Variants in CADM2 observed in about 807,000 individuals in gnomAD.
CADM2 encodes the protein immunoglobulin superfamily member 4D.
CADM2 carries 12 observed loss-of-function variants against 49.8 expected under a neutral mutation model. The observed-to-expected ratio is 0.24, with a 90% CI of 0.15 to 0.39. The LOEUF (loss-of-function observed/expected upper bound fraction) is 0.39, where lower values mean the gene tolerates loss of function less well. CADM2 is among the 10% of genes least tolerant of loss of function. The pLI is 1.00. For synonymous variants in CADM2, 214 were observed against 175.4 expected (o/e 1.22, Z -1.74); for missense variants, 378 against 492.3 (o/e 0.77, Z 2.20).
At chr3:85,609,266 G>T (rs1265624542) in intron 1 of CADM2, among the ~76,000 whole-genome samples, 2 of 152,062 alleles carry the variant, frequency 1.3e-5, no homozygotes, top group Admixed American at 1.3e-4. Flanking sequence ...ACATGCACCT[G>T]TCTAGTCCAT....
intron 1 of CADM2, among the ~76,000 whole-genome samples, chr3:85,339,069 A>G (rs2045169785): frequency 6.6e-6 from 1 of 151,584 alleles, no homozygotes; most frequent in African/African-American, 2.4e-5. Flanking sequence ...ATTTTATGAT[A>G]TGGTGACAAG....
intron 1 of CADM2, among the ~76,000 whole-genome samples, chr3:85,661,124 A>G (rs746823075): frequency 1.3e-5 from 2 of 152,048 alleles, no homozygotes; most frequent in African/African-American, 2.4e-5. Flanking sequence ...GGGATTGTCA[A>G]TTTGCAGTTC....
intron 1 of CADM2, among the ~76,000 whole-genome samples, chr3:85,554,659 T>G (rs1044747643): frequency 7.9e-5 from 12 of 152,296 alleles, no homozygotes; most frequent in African/African-American, 2.6e-4. Flanking sequence ...GACCTGAGAT[T>G]ATTTTAATTT....
intron 1 of CADM2, among the ~76,000 whole-genome samples, chr3:85,160,557 A>T (rs1024248821): frequency 7.2e-5 from 11 of 152,108 alleles, no homozygotes; most frequent in African/African-American, 1.7e-4. Flanking sequence ...TGAGTTTTTT[A>T]AAAAAATATC....
chr3:85,065,777 C>T (rs910879662), intron 1 of CADM2, among the ~76,000 whole-genome samples: 15 of 152,124 alleles, frequency 9.9e-5, no homozygotes, highest in Admixed American at 3.9e-4. Context: ...ATTTGCTTAG[C>T]AATCAATGTC....
intron 3 of CADM2, among the ~76,000 whole-genome samples, chr3:85,807,199 C>T (rs975357723): frequency 8.6e-5 from 13 of 151,964 alleles, no homozygotes; most frequent in African/African-American, 2.9e-4. Flanking sequence ...TGAAGATATA[C>T]ATAGATTAAG....
chr3:85,581,017 GT>G (rs1439793714), intron 1 of CADM2, among the ~76,000 whole-genome samples: 1 of 151,836 alleles, frequency 6.6e-6, no homozygotes, highest in Non-Finnish European at 1.5e-5. Context: ...ATGACGTTTG[GT>G]TTTTTGTTTT....
intron 8 of CADM2, among the ~76,000 whole-genome samples, chr3:85,972,231 G>A (rs1726248378): frequency 1.3e-5 from 2 of 151,606 alleles, no homozygotes; most frequent in South Asian, 4.1e-4. Flanking sequence ...AGCAAATAAA[G>A]TAAACTTTCC....
intron 1 of CADM2, among the ~76,000 whole-genome samples, chr3:85,328,730 G>A (rs1203189513): frequency 1.3e-5 from 2 of 152,144 alleles, no homozygotes; most frequent in African/African-American, 4.8e-5. Flanking sequence ...TTCATAGATA[G>A]ACTGCACCTT....
chr3:85,504,764 C>T (rs1465916422), intron 1 of CADM2, among the ~76,000 whole-genome samples: 1 of 152,194 alleles, frequency 6.6e-6, no homozygotes, highest in Non-Finnish European at 1.5e-5. Context: ...GCACAGGAGC[C>T]CACGGAGGGG....
intron 1 of CADM2, among the ~76,000 whole-genome samples, chr3:85,128,855 T>G (rs1239926113): frequency 2.0e-5 from 3 of 152,202 alleles, no homozygotes; most frequent in Admixed American, 6.5e-5. Context: ...CTTTATTTAC[T>G]GTGGGGCAGA....
chr3:85,835,314 C>CT lies in CADM2; in HGVS notation c.238+33133dup, dbSNP rs60077347. Reference sequence around the variant, plus strand: ...GCTACTGTGAAAACAGTTTTAGCTTCTTTTTTTTTTTTTTTCCTGACTTGT... The same window carrying CT: ...GCTACTGTGAAAACAGTTTTAGCTTCTTTTTTTTTTTTTTTTCCTGACTTGT... On this transcript the variant is annotated intron_variant, in intron 3 of 9. Transcript: ENST00000383699. 4.3e-3 allele frequency among the ~76,000 whole-genome samples: 574 copies of CT among 132,534 alleles called. 1 individual carries two copies. Among genetic ancestry groups the CT allele is most frequent in the African/African-American group, 5.9e-3 (221 of 37,572 alleles). The allele number at this position is 132,534 out of a possible 152,430, so 86.9% of individuals were successfully genotyped here.
intron 1 of CADM2, among the ~76,000 whole-genome samples, chr3:85,425,014 A>G (rs1216762517): frequency 6.6e-6 from 1 of 152,210 alleles, no homozygotes; most frequent in Non-Finnish European, 1.5e-5. Context: ...GTGCTGTAAT[A>G]AAAAACTTAA....
At chr3:85,377,745 G>T (rs1219973381) in intron 1 of CADM2, among the ~76,000 whole-genome samples, 1 of 151,994 alleles carries the variant, frequency 6.6e-6, no homozygotes, top group Non-Finnish European at 1.5e-5. Flanking sequence ...AAAGTTAATA[G>T]CTACAGGAGT....
At chr3:85,609,742 T>A (rs1394241418) in intron 1 of CADM2, among the ~76,000 whole-genome samples, 1 of 152,138 alleles carries the variant, frequency 6.6e-6, no homozygotes, top group African/African-American at 2.4e-5. Context: ...AAGGTGTTGT[T>A]TTATTAGCTG....
chr3:85,191,684 A>T (rs768047540), intron 1 of CADM2, among the ~76,000 whole-genome samples: 1 of 152,252 alleles, frequency 6.6e-6, no homozygotes, highest in Admixed American at 6.5e-5. Flanking sequence ...TGTCAAATAC[A>T]TAAACAAAGG....
At chr3:85,993,504 T>G (rs889595425) in intron 8 of CADM2, 11 of 152,346 alleles carry the variant, frequency 7.2e-5, no homozygotes, top group Admixed American at 4.6e-4. Context: ...GAATCACAAA[T>G]GATCGTAATG....
At chr3:85,445,067 C>A (rs946487801) in intron 1 of CADM2, among the ~76,000 whole-genome samples, 7 of 152,074 alleles carry the variant, frequency 4.6e-5, no homozygotes, top group Non-Finnish European at 7.4e-5. Flanking sequence ...AGTACATATA[C>A]TGTGTATATA....
At position 85,481,897 on chromosome 3, in the gene CADM2, G is replaced by T. The variant is rs1023784231; in HGVS notation, c.62-244625G>T. 1.2e-4 allele frequency among the ~76,000 whole-genome samples: 18 copies of T among 150,184 alleles called. 1 individual carries two copies. The highest frequency in any genetic ancestry group is 5.9e-5 in the Non-Finnish European group (4 of 67,478). The stretch of plus-strand genomic sequence containing the variant: ...ATGTTATTCGTGTTCTTTATGAGTC[G>T]GGAAGAAAGTTGTACTTCAAAAGAT... On this transcript the variant is annotated intron_variant, in intron 1 of 9. Transcript: ENST00000383699.
Sources: gnomAD v4.1 joint callset for allele counts (sites outside exome capture counted in the v4.1 genomes callset) on GRCh38, gnomAD v4.1.1 for gene constraint, MANE v1.5 for transcripts, NCBI Gene and HGNC (gene_info 2026-07-23, HGNC 2026-07-21) for gene names.